Variants in FUBP3 observed in about 807,000 individuals in gnomAD.
FUBP3 encodes far upstream element-binding protein 3.
In FUBP3, 28 loss-of-function variants were observed where a neutral mutation model predicts 85.6. The ratio of observed to expected loss-of-function variants is 0.33; its 90% CI spans 0.24 to 0.45. The LOEUF is 0.45. FUBP3 is among the 20% of genes least tolerant of loss of function. The probability of loss-of-function intolerance (pLI) is 1.00; values close to 1 mark genes in which losing one functional copy is unlikely to be tolerated. For synonymous variants in FUBP3, 271 were observed against 271.4 expected, an observed-to-expected ratio of 1.00 and a Z score of 0.01; for missense variants, 583 against 755.1, an observed-to-expected ratio of 0.77 and a Z score of 2.67.
Position 130,623,672 on chromosome 9 carries a change from T to C in FUBP3, c.936T>C (p.His312=), listed in dbSNP as rs1171009685. 3 of 1,613,992 alleles carry C rather than the reference T, an allele frequency of 1.9e-6. No homozygotes were observed. The highest frequency in any genetic ancestry group is 1.7e-5 in the Admixed American group (1 of 60,024). The change falls in exon 11 of 19, where the codon CAT becomes CAC. Residue 312 remains histidine, a synonymous_variant. Coordinates refer to ENST00000319725, the MANE Select transcript of FUBP3 (RefSeq NM_003934.2). The stretch of plus-strand genomic sequence containing the variant: ...TGGGCCCTCCGGATCGGTGTCAGCA[T>C]GCAGCGCATATCATCAGCGAGCTGA... ...QVMGPPDRCQ[H]AAHIISELIL...
chr9:130,627,797 CA>C (rs1165196707), intron 12 of FUBP3, among the ~76,000 whole-genome samples: 1 of 152,164 alleles, frequency 6.6e-6, no homozygotes, highest in Non-Finnish European at 1.5e-5. Flanking sequence ...TGGCCTTTTG[CA>C]AACTATTTTG....
At chr9:130,620,249 G>T in intron 8 of FUBP3, 105 bp from the exon 9 acceptor site, 2 of 626,418 alleles carry the variant, frequency 3.2e-6, no homozygotes, top group Non-Finnish European at 2.8e-6. Context: ...ACAGCTGAGC[G>T]CCTTTAAACC....
At chr9:130,623,529 T>C (rs1188790423) in intron 10 of FUBP3, 82 bp from the exon 11 acceptor site, 3 of 921,432 alleles carry the variant, frequency 3.3e-6, no homozygotes, top group African/African-American at 1.6e-5. Context: ...CGGGTGAGAA[T>C]ATTGATTGGG....
intron 12 of FUBP3, 140 bp from the exon 13 acceptor site, chr9:130,630,488 G>C: frequency 1.8e-6 from 1 of 555,036 alleles, no homozygotes; most frequent in East Asian, 3.4e-5. Context: ...GGAGTAAATA[G>C]AGACAACTTC....
At chr9:130,602,472 G>A (rs892996524) in intron 2 of FUBP3, among the ~76,000 whole-genome samples, 1 of 152,134 alleles carries the variant, frequency 6.6e-6, no homozygotes, top group African/African-American at 2.4e-5. Flanking sequence ...AGGAGAGACA[G>A]GAGATAGGAG....
At position 130,616,226 on chromosome 9, in the gene FUBP3, A is replaced by AGGAGCT; in HGVS notation, c.405-119_405-114dup. On this transcript the variant is annotated intron_variant, in intron 6 of 18. Coordinates refer to ENST00000319725, the MANE Select transcript of FUBP3 (RefSeq NM_003934.2). The surrounding 1 kb of genome is among the most constrained non-coding windows in gnomAD (Gnocchi z 4.7). ...AGAGAGACCTCCGGGTTGTGGGGGC[A>AGGAGCT]GGAGCTGGAGCTGGATGGAGGGCTG... 4 of 789,168 alleles carry AGGAGCT rather than the reference A, an allele frequency of 5.1e-6. No individual in the cohort carries two copies. The South Asian group carries it at 5.3e-5, about 11-fold the overall frequency. 48.9% of individuals were successfully genotyped at this position (789,168 alleles called of 1,614,324 possible). A position where few individuals can be genotyped will look rare whatever the true frequency, so the allele number is the denominator to read the frequency against.
chr9:130,599,455 T>C (rs1831042124), intron 2 of FUBP3, among the ~76,000 whole-genome samples: 1 of 151,846 alleles, frequency 6.6e-6, no homozygotes, highest in Non-Finnish European at 1.5e-5. Flanking sequence ...TTGTTCCTGA[T>C]ATAGAAAGGG....
intron 8 of FUBP3, 82 bp downstream of exon 8, chr9:130,617,977 A>G: frequency 1.5e-6 from 1 of 647,928 alleles, no homozygotes; most frequent in East Asian, 2.8e-5. Flanking sequence ...ATCTTCCTCA[A>G]GTAATTGTGA....
At chr9:130,589,585 C>T (rs1467730363) in intron 1 of FUBP3, among the ~76,000 whole-genome samples, 2 of 149,574 alleles carry the variant, frequency 1.3e-5, no homozygotes, top group African/African-American at 4.9e-5. Flanking sequence ...CTCAAGTGAT[C>T]CACCAGCCTT....
chr9:130,581,753 C>G lies in FUBP3; in HGVS notation c.84+1989C>G, dbSNP rs1429472186. 3 of 152,294 alleles carry G rather than the reference C, an allele frequency of 2.0e-5. No homozygotes were observed. In the East Asian group the frequency reaches 5.8e-4, roughly 29 times the overall value. The allele number at this position is 152,294 out of a possible 1,614,324, so 9.4% of individuals were successfully genotyped here. On this transcript the variant is annotated intron_variant, in intron 1 of 18. Coordinates refer to ENST00000319725, the MANE Select transcript of FUBP3 (RefSeq NM_003934.2). ...TTATTTAAACGCAAAGCTTTTTCCC[C>G]TTTTATGTCTCCTCATAAACTCCAG...
chr9:130,623,056 GGA>G (rs1276325648), intron 10 of FUBP3, among the ~76,000 whole-genome samples: 8 of 151,750 alleles, frequency 5.3e-5, no homozygotes, highest in Non-Finnish European at 1.2e-4. Context: ...TTTTCTTCCT[GGA>G]GTATATGCAT....
Position 130,616,383 on chromosome 9 carries a change from G to T in FUBP3, c.433G>T (p.Val145Leu). 6.2e-7 allele frequency: 1 copy of T among 1,614,154 alleles called. No individual in the cohort carries two copies. Among genetic ancestry groups the T allele is most frequent in the Non-Finnish European group, 8.5e-7 (1 of 1,180,026 alleles). ...AGCCAAACGGCTCCTGGGACAGATT[G>T]TGGACCGCTGTCGAAATGGACCTGG... ...EQAKRLLGQIVDRCRNGPGFH... is the reference protein window; with the variant it reads ...EQAKRLLGQILDRCRNGPGFH... Residue 145 changes from valine (V) to leucine (L), a missense_variant, in exon 7 of 19, where the codon GTG (valine) becomes TTG (leucine). Around this residue, in one of 3 missense-constraint regions of FUBP3, gnomAD observed 177 missense variants for 221.9 expected, o/e 0.80. Coordinates refer to ENST00000319725, the MANE Select transcript of FUBP3 (RefSeq NM_003934.2). This position sits in a 1 kb window ranked among gnomAD's most constrained non-coding sequence, Gnocchi z 4.7.
At chr9:130,610,834 TG>T (rs1831706437) in intron 3 of FUBP3, among the ~76,000 whole-genome samples, 2 of 152,194 alleles carry the variant, frequency 1.3e-5, no homozygotes, top group African/African-American at 4.8e-5. Context: ...GGGGTTTTTT[TG>T]GTGGTTGTTG....
rs557401914 is a variant in FUBP3, at chr9:130,612,580, G to A, written c.274+75G>A. 57 of 936,214 alleles carry A rather than the reference G, an allele frequency of 6.1e-5. No homozygotes were observed. The highest frequency in any genetic ancestry group is 9.2e-5 in the Non-Finnish European group (53 of 573,788). The allele number at this position is 936,214 out of a possible 1,614,324, so 58.0% of individuals were successfully genotyped here. On this transcript the variant is annotated intron_variant, in intron 4 of 18. Coordinates refer to ENST00000319725, the MANE Select transcript of FUBP3 (RefSeq NM_003934.2). This position sits in a 1 kb window ranked among gnomAD's most constrained non-coding sequence, Gnocchi z 4.1. ...TCTCTCTTTTTTTCTGAGCTGCTTT[G>A]CCAGGATGTTCTTTTTGTTTTAATC...
chr9:130,630,564 C>T (rs1830169925), intron 12 of FUBP3, 64 bp from the exon 13 acceptor site: 3 of 1,346,054 alleles, frequency 2.2e-6, no homozygotes, highest in South Asian at 2.9e-5. Flanking sequence ...AGCCAAGTGC[C>T]CCAGAGCCTC....
intron 18 of FUBP3, 33 bp from the exon 19 acceptor site, chr9:130,636,981 C>A (rs770448171): frequency 6.2e-7 from 1 of 1,607,800 alleles, no homozygotes; most frequent in Admixed American, 1.7e-5. Flanking sequence ...AACCTGCCAT[C>A]ACAGACTAAT....
intron 18 of FUBP3, among the ~76,000 whole-genome samples, chr9:130,636,784 CTG>C (rs1394889109): frequency 6.6e-6 from 1 of 152,230 alleles, no homozygotes; most frequent in Non-Finnish European, 1.5e-5. Flanking sequence ...CCGTCTGGGT[CTG>C]GTCCTGGGGA....
Position 130,612,865 on chromosome 9 carries a change from G to C in FUBP3, c.275-91G>C, listed in dbSNP as rs1831817998. The C allele has an allele frequency of 3.4e-6, 3 of 883,184 alleles. No individual in the cohort carries two copies. Among genetic ancestry groups the C allele is most frequent in the Non-Finnish European group, 5.7e-6 (3 of 525,638 alleles). The allele number at this position is 883,184 out of a possible 1,614,324, so 54.7% of individuals were successfully genotyped here. Reference sequence around the variant, plus strand: ...CTCGATGTGTAGTATTGTGAGCCAAGTGTCACAGTTTGTGGAATTAATTCA... The same window carrying C: ...CTCGATGTGTAGTATTGTGAGCCAACTGTCACAGTTTGTGGAATTAATTCA... On this transcript the variant is annotated intron_variant, in intron 4 of 18. Transcript: ENST00000319725. The surrounding 1 kb of genome is among the most constrained non-coding windows in gnomAD (Gnocchi z 4.1).
At chr9:130,622,841 T>TA (rs1829814450) in intron 10 of FUBP3, 31 bp downstream of exon 10, 1 of 1,062,760 alleles carries the variant, frequency 9.4e-7, no homozygotes, top group African/African-American at 1.8e-5. Flanking sequence ...ATCCTTAGTG[T>TA]TAAAAAAAAA....
Sources: gnomAD v4.1 joint callset for allele counts (sites outside exome capture counted in the v4.1 genomes callset) on GRCh38, gnomAD v4.1.1 for gene constraint, gnomAD v4.1.1 regional missense constraint, Gnocchi (gnomAD v3.1) non-coding constraint, MANE v1.5 for transcripts, NCBI Gene and HGNC (gene_info 2026-07-23, HGNC 2026-07-21) for gene names.